Variants in ZFHX3 observed in about 807,000 individuals in gnomAD.
The protein encoded by ZFHX3 is zinc finger homeobox protein 3.
ZFHX3 carries 42 observed loss-of-function variants against 279.1 expected under a neutral mutation model. The ratio of observed to expected loss-of-function variants is 0.15; its 90% CI spans 0.12 to 0.19. The LOEUF is 0.19. Ranked by LOEUF, ZFHX3 falls within the 10% of genes least tolerant of loss-of-function variation. The pLI is 1.00. For synonymous variants in ZFHX3, 2,293 were observed against 1,957.8 expected, an observed-to-expected ratio of 1.17 and a Z score of -4.52; for missense variants, 4,981 against 4,754.0, an observed-to-expected ratio of 1.05 and a Z score of -1.40.
At chr16:73,751,152 G>A (rs2053758633) in intron 1 of ZFHX3, among the ~76,000 whole-genome samples, 1 of 152,152 alleles carries the variant, frequency 6.6e-6, no homozygotes, top group African/African-American at 2.4e-5. Flanking sequence ...AAAAGATACG[G>A]ACTGAGGACC....
intron 3 of ZFHX3, among the ~76,000 whole-genome samples, chr16:72,942,993 T>C (rs1340404867): frequency 1.3e-5 from 2 of 152,216 alleles, no homozygotes; most frequent in African/African-American, 2.4e-5. Context: ...CTTCTTCTTG[T>C]TCCCCAGTGT....
At chr16:72,894,093 G>A (rs1362147609) in intron 3 of ZFHX3, among the ~76,000 whole-genome samples, 1 of 149,972 alleles carries the variant, frequency 6.7e-6, no homozygotes, top group African/African-American at 2.5e-5. Flanking sequence ...AGGTTGCAGT[G>A]AGCCACAATA....
chr16:73,522,159 T>C (rs1453668773), intron 2 of ZFHX3, among the ~76,000 whole-genome samples: 1 of 152,208 alleles, frequency 6.6e-6, no homozygotes, highest in Non-Finnish European at 1.5e-5. Context: ...GCATAACAAA[T>C]ACCAGATTTT....
intron 3 of ZFHX3, among the ~76,000 whole-genome samples, chr16:72,894,250 T>A (rs1417021024): frequency 6.6e-6 from 1 of 152,112 alleles, no homozygotes; most frequent in East Asian, 1.9e-4. Context: ...TTGGGTCTAC[T>A]ATGTCTACCT....
intron 3 of ZFHX3, among the ~76,000 whole-genome samples, chr16:72,891,924 G>A (rs972138785): frequency 1.3e-5 from 2 of 152,162 alleles, no homozygotes; most frequent in African/African-American, 4.8e-5. Flanking sequence ...CCAGGATAAT[G>A]GTTTCTAGTC....
intron 2 of ZFHX3, among the ~76,000 whole-genome samples, chr16:73,525,286 C>T (rs568186807): frequency 6.6e-6 from 1 of 152,238 alleles, no homozygotes; most frequent in African/African-American, 2.4e-5. Context: ...CAAAGTCACG[C>T]CACTGTATTT....
chr16:73,666,851 G>C (rs1223993389), intron 2 of ZFHX3, among the ~76,000 whole-genome samples: 1 of 151,898 alleles, frequency 6.6e-6, no homozygotes. Context: ...CAATGAAATG[G>C]AATCTGCAGC....
At chr16:72,902,671 T>G (rs4788481) in intron 3 of ZFHX3, among the ~76,000 whole-genome samples, 43,367 of 152,110 alleles carry the variant, frequency 0.29, 6,532 homozygotes, top group Middle Eastern at 0.34. Flanking sequence ...CCAATGGGCC[T>G]GAGCGCAAAG....
chr16:73,462,556 A>G (rs1327145142), intron 2 of ZFHX3, among the ~76,000 whole-genome samples: 1 of 152,158 alleles, frequency 6.6e-6, no homozygotes, highest in East Asian at 1.9e-4. Context: ...AGGTTTTTGT[A>G]GATGCTCTTT....
At chr16:73,035,609 G>C (rs1346108146) in intron 1 of ZFHX3, among the ~76,000 whole-genome samples, 1 of 152,224 alleles carries the variant, frequency 6.6e-6, no homozygotes, top group Non-Finnish European at 1.5e-5. Flanking sequence ...TAATAGGCCA[G>C]GCATTGTGGC....
At chr16:72,915,729 C>T (rs1263587377) in intron 3 of ZFHX3, among the ~76,000 whole-genome samples, 1 of 151,456 alleles carries the variant, frequency 6.6e-6, no homozygotes, top group East Asian at 1.9e-4. Flanking sequence ...TGCCACTGCA[C>T]TCCAGCCTCT....
At position 73,838,762 on chromosome 16, in the gene ZFHX3, C is replaced by CTGTGTG. The variant is rs34111835; in HGVS notation, c.-1608+52883_-1608+52888dup. ...TGTGTGCGCACATGCGTGTGTGTGT[C>CTGTGTG]TGTGTGTGTGTGTGTGTGTGTGTGT... is the stretch of plus-strand genomic sequence containing the variant. On this transcript the variant is annotated intron_variant, in intron 1 of 17. Transcript: ENST00000641206. Among the ~76,000 whole-genome samples the CTGTGTG allele has an allele frequency of 1.6e-3, 238 of 147,876 alleles. 2 individuals carry two copies. Among genetic ancestry groups the CTGTGTG allele is most frequent in the South Asian group, 5.9e-3 (27 of 4,574 alleles).
intron 2 of ZFHX3, among the ~76,000 whole-genome samples, chr16:73,539,445 T>C (rs2019972413): frequency 2.2e-5 from 3 of 138,280 alleles, no homozygotes; most frequent in African/African-American, 8.1e-5. Context: ...TTTTTTTTTT[T>C]TTTTTTTTTT....
chr16:73,490,276 C>T (rs1407037503), intron 2 of ZFHX3, among the ~76,000 whole-genome samples: 1 of 152,196 alleles, frequency 6.6e-6, no homozygotes, highest in African/African-American at 2.4e-5. Context: ...TCCAGTATTT[C>T]CACTAACATA....
At chr16:73,418,960 C>T (rs531879355) in intron 3 of ZFHX3, among the ~76,000 whole-genome samples, 1 of 152,292 alleles carries the variant, frequency 6.6e-6, no homozygotes, top group African/African-American at 2.4e-5. Flanking sequence ...ATCCTGAAAT[C>T]TCGTGGAAGA....
intron 3 of ZFHX3, among the ~76,000 whole-genome samples, chr16:73,389,659 T>C (rs187917138): frequency 3.4e-4 from 52 of 152,310 alleles, no homozygotes; most frequent in African/African-American, 1.1e-3. Context: ...AACAGCTCTA[T>C]TGGAAAGTTC....
chr16:72,813,848 G>A (rs113792956), intron 5 of ZFHX3, among the ~76,000 whole-genome samples: 6 of 152,236 alleles, frequency 3.9e-5, no homozygotes, highest in East Asian at 3.9e-4. Flanking sequence ...TCCTGGCCCC[G>A]CTCAGACCTG....
chr16:72,982,210 T>C (rs933378610), intron 1 of ZFHX3, among the ~76,000 whole-genome samples: 8 of 152,144 alleles, frequency 5.3e-5, no homozygotes, highest in South Asian at 4.1e-4. Context: ...ACACTCTCAT[T>C]TGACCTCTAA....
chr16:72,941,621 C>T (rs1960413064), intron 3 of ZFHX3, among the ~76,000 whole-genome samples: 1 of 152,016 alleles, frequency 6.6e-6, no homozygotes, highest in Admixed American at 6.6e-5. Context: ...GAGTTTGAGA[C>T]CAGCCTGGGC....
Sources: allele counts gnomAD v4.1 joint callset (sites outside exome capture counted in the v4.1 genomes callset), GRCh38; gene constraint gnomAD v4.1.1; transcripts MANE v1.5; gene names NCBI Gene and HGNC (gene_info 2026-07-23, HGNC 2026-07-21).